The following PARD6B variants were observed in gnomAD, a reference collection of about 807,000 sequenced individuals.
PARD6B encodes par-6 family cell polarity regulator beta.
A neutral mutation model predicts 10.5 loss-of-function variants in PARD6B; 4 were observed. The ratio of observed to expected loss-of-function variants is 0.38; its 90% CI spans 0.19 to 0.87. The LOEUF is 0.87. Among genes scored for constraint, PARD6B ranks in the 40% least tolerant of loss-of-function variants. The pLI, the probability that PARD6B is intolerant of heterozygous loss-of-function variation, is 0.41. For synonymous variants in PARD6B, 169 were observed against 170.4 expected (o/e 0.99, Z 0.07); for missense variants, 396 against 470.6 (o/e 0.84, Z 1.47).
intron 2 of PARD6B, among the ~76,000 whole-genome samples, chr20:50,738,556 A>G (rs897717122): frequency 6.6e-6 from 1 of 152,256 alleles, no homozygotes; most frequent in South Asian, 2.1e-4. Flanking sequence ...GTCTGCACCT[A>G]TAGAAAGATT....
At chr20:50,740,966 T>C (rs2087527115) in intron 2 of PARD6B, among the ~76,000 whole-genome samples, 1 of 150,872 alleles carries the variant, frequency 6.6e-6, no homozygotes, top group African/African-American at 2.4e-5. Flanking sequence ...TGTTTCTTTT[T>C]TTTTTTTTTT....
At chr20:50,736,507 G>A (rs1180346568) in intron 1 of PARD6B, among the ~76,000 whole-genome samples, 1 of 152,128 alleles carries the variant, frequency 6.6e-6, no homozygotes, top group Non-Finnish European at 1.5e-5. Context: ...TTAAAGTGCT[G>A]GTCTCCGCAG....
At chr20:50,734,239 T>C (rs982502399) in intron 1 of PARD6B, among the ~76,000 whole-genome samples, 85 of 152,174 alleles carry the variant, frequency 5.6e-4, no homozygotes, top group African/African-American at 2.0e-3. Flanking sequence ...ATTTAAAAAA[T>C]ATTTGGAAGG....
Position 50,751,667 on chromosome 20 carries a change from A to G in PARD6B, c.*1179A>G. 6.1e-6 allele frequency: 6 copies of G among 984,098 alleles called. No individual in the cohort carries two copies. Among genetic ancestry groups the G allele is most frequent in the Non-Finnish European group, 7.2e-6 (6 of 829,800 alleles). 61.0% of individuals were successfully genotyped at this position (984,098 alleles called of 1,614,324 possible). On this transcript the variant is annotated 3_prime_UTR_variant, in exon 3 of 3. Transcript: ENST00000371610. ...AGTTGTGCATTTCTGGTTTCTAAGA[A>G]TCAAACCACTTGGCTGTTTTTAGGA...
rs946312206 is a variant in PARD6B, at chr20:50,731,779, C to T, written c.-8C>T. ...CGGAGGAGGCCGTCGCGGGGCTCGG[C>T]GTTCAGCATGAACCGCAGCCACCGG... is the stretch of plus-strand genomic sequence containing the variant. On this transcript the variant is annotated 5_prime_UTR_variant, in exon 1 of 3. Coordinates refer to ENST00000371610, the MANE Select transcript of PARD6B (RefSeq NM_032521.3). The T allele has an allele frequency of 5.5e-6, 8 of 1,453,886 alleles. No individual in the cohort carries two copies. Among genetic ancestry groups the T allele is most frequent in the Admixed American group, 2.6e-5 (1 of 38,944 alleles). The allele number at this position is 1,453,886 out of a possible 1,614,324, so 90.1% of individuals were successfully genotyped here. A position where few individuals can be genotyped will look rare whatever the true frequency, so the allele number is the denominator to read the frequency against.
chr20:50,751,499 G>T lies in PARD6B; in HGVS notation c.*1011G>T. The T allele has an allele frequency of 1.3e-6, 1 of 747,002 alleles. No individual in the cohort carries two copies. The allele number at this position is 747,002 out of a possible 1,614,324, so 46.3% of individuals were successfully genotyped here. The stretch of plus-strand genomic sequence containing the variant: ...GCCTCCCAAGTAGCTGGGACTACAG[G>T]CGCCTGCCACCATGCCTGGCTAATT... On this transcript the variant is annotated 3_prime_UTR_variant, in exon 3 of 3. Transcript: ENST00000371610.
chr20:50,744,552 C>T, intron 2 of PARD6B, among the ~76,000 whole-genome samples: 1 of 152,162 alleles, frequency 6.6e-6, no homozygotes, highest in East Asian at 1.9e-4. Flanking sequence ...TGCCCTTAGG[C>T]TAAAGTCTGT....
rs1352476068 is a variant in PARD6B, at chr20:50,753,507, TA to T, written c.*3020del. Reference sequence around the variant, plus strand: ...TAAATTTATGATAATGTTCTCGAGCTATCAACAAAATATATGTACTTTTGTG... The same window carrying T: ...TAAATTTATGATAATGTTCTCGAGCTTCAACAAAATATATGTACTTTTGTG... On this transcript the variant is annotated 3_prime_UTR_variant, in exon 3 of 3. Transcript: ENST00000371610. 23 of 955,928 alleles carry T rather than the reference TA, an allele frequency of 2.4e-5. No individual in the cohort carries two copies. Among genetic ancestry groups the T allele is most frequent in the African/African-American group, 3.5e-5 (2 of 56,598 alleles). The allele number at this position is 955,928 out of a possible 1,614,324, so 59.2% of individuals were successfully genotyped here. A position where few individuals can be genotyped will look rare whatever the true frequency, so the allele number is the denominator to read the frequency against.
At chr20:50,734,103 CTGT>C (rs1158489515) in intron 1 of PARD6B, among the ~76,000 whole-genome samples, 1 of 152,190 alleles carries the variant, frequency 6.6e-6, no homozygotes, top group Non-Finnish European at 1.5e-5. Flanking sequence ...ACTATTCTAG[CTGT>C]TGACAAATAG....
chr20:50,739,868 A>T (rs1404609019), intron 2 of PARD6B, among the ~76,000 whole-genome samples: 1 of 116,522 alleles, frequency 8.6e-6, no homozygotes, highest in Non-Finnish European at 1.7e-5. Flanking sequence ...GTAGAGGGGA[A>T]GGGTGGGGGG....
chr20:50,752,257 C>A lies in PARD6B; in HGVS notation c.*1769C>A. 1 of 985,078 alleles carries A rather than the reference C, an allele frequency of 1.0e-6. No individual in the cohort carries two copies. The highest frequency in any genetic ancestry group is 1.8e-5 in the African/African-American group (1 of 57,062). The allele number at this position is 985,078 out of a possible 1,614,324, so 61.0% of individuals were successfully genotyped here. On this transcript the variant is annotated 3_prime_UTR_variant, in exon 3 of 3. Transcript: ENST00000371610. ...TGTGCTTTTAATGCATCCAAGTATG[C>A]ATCATTTTGGATAAAAAATACATCC...
chr20:50,731,985 A>C, intron 1 of PARD6B, 133 bp downstream of exon 1: 1 of 649,964 alleles, frequency 1.5e-6, no homozygotes, highest in African/African-American at 1.9e-5. Flanking sequence ...CGGTCGGGAG[A>C]CTGTGGGTAA....
chr20:50,741,791 C>T (rs1009356588), intron 2 of PARD6B, among the ~76,000 whole-genome samples: 3 of 152,068 alleles, frequency 2.0e-5, no homozygotes, highest in African/African-American at 7.2e-5. Flanking sequence ...CGTGATCCGC[C>T]CGTCTCGGCC....
chr20:50,733,937 C>T (rs931509268), intron 1 of PARD6B, among the ~76,000 whole-genome samples: 2 of 152,130 alleles, frequency 1.3e-5, no homozygotes, highest in African/African-American at 4.8e-5. Flanking sequence ...GGCTTTTTGC[C>T]TTTCTCTTGT....
chr20:50,735,667 GT>G (rs904046282), intron 1 of PARD6B, among the ~76,000 whole-genome samples: 7 of 151,196 alleles, frequency 4.6e-5, no homozygotes, highest in East Asian at 1.9e-4. Flanking sequence ...TTTCTCTTGG[GT>G]TTTTTTTTCC....
At chr20:50,747,227 G>T (rs1488838650) in intron 2 of PARD6B, among the ~76,000 whole-genome samples, 1 of 152,116 alleles carries the variant, frequency 6.6e-6, no homozygotes, top group Non-Finnish European at 1.5e-5. Context: ...GAAAACCTGG[G>T]CTCTAGTTCT....
intron 2 of PARD6B, among the ~76,000 whole-genome samples, chr20:50,749,088 A>G (rs1162553115): frequency 6.6e-6 from 1 of 152,236 alleles, no homozygotes; most frequent in Admixed American, 6.5e-5. Flanking sequence ...TCACGCCTAT[A>G]ATTCCAGCAC....
At chr20:50,748,367 G>A (rs953915753) in intron 2 of PARD6B, among the ~76,000 whole-genome samples, 1 of 152,178 alleles carries the variant, frequency 6.6e-6, no homozygotes, top group East Asian at 1.9e-4. Flanking sequence ...AGAAAACTGA[G>A]GGAGAGTGTT....
At position 50,752,123 on chromosome 20, in the gene PARD6B, T is replaced by C. The variant is rs1273053336; in HGVS notation, c.*1635T>C. On this transcript the variant is annotated 3_prime_UTR_variant, in exon 3 of 3. Transcript: ENST00000371610. ...TATAATTTATGTTTTAAAAGGCAAT[T>C]CTCTTGACTTTGGAAATATGGAAGT... The C allele has an allele frequency of 1.0e-6, 1 of 985,202 alleles. No individual in the cohort carries two copies. The highest frequency in any genetic ancestry group is 1.2e-6 in the Non-Finnish European group (1 of 829,462). The allele number at this position is 985,202 out of a possible 1,614,324, so 61.0% of individuals were successfully genotyped here. A position where few individuals can be genotyped will look rare whatever the true frequency, so the allele number is the denominator to read the frequency against.
Sources: gnomAD v4.1 joint callset for allele counts (sites outside exome capture counted in the v4.1 genomes callset) on GRCh38, gnomAD v4.1.1 for gene constraint, MANE v1.5 for transcripts, NCBI Gene and HGNC (gene_info 2026-07-23, HGNC 2026-07-21) for gene names.